Variants in ZNF385D observed in about 807,000 individuals in gnomAD.
The protein encoded by ZNF385D is zinc finger protein 659.
ZNF385D carries 15 observed loss-of-function variants against 35.8 expected under a neutral mutation model. The observed-to-expected ratio is 0.42, with a 90% CI of 0.28 to 0.64. The LOEUF (loss-of-function observed/expected upper bound fraction) is 0.64, where lower values mean the gene tolerates loss of function less well. ZNF385D is among the 30% of genes least tolerant of loss of function. ZNF385D has a pLI of 0.23. For synonymous variants in ZNF385D, 212 were observed against 186.8 expected (o/e 1.13, Z -1.10); for missense variants, 474 against 494.6 (o/e 0.96, Z 0.39).
chr3:21,568,125 A>G (rs2063212204), intron 2 of ZNF385D, among the ~76,000 whole-genome samples: 2 of 152,156 alleles, frequency 1.3e-5, no homozygotes, highest in South Asian at 4.1e-4. Flanking sequence ...ATCAAAAGTA[A>G]TTATCTTTTA....
intron 2 of ZNF385D, among the ~76,000 whole-genome samples, chr3:22,233,745 G>A (rs977833951): frequency 2.6e-5 from 4 of 152,010 alleles, no homozygotes; most frequent in Non-Finnish European, 4.4e-5. Flanking sequence ...CATCTTTTGA[G>A]TTCCAGGGTG....
intron 1 of ZNF385D, among the ~76,000 whole-genome samples, chr3:21,729,861 A>G (rs1467757374): frequency 6.6e-6 from 1 of 152,172 alleles, no homozygotes; most frequent in Admixed American, 6.5e-5. Context: ...TCACCAGATG[A>G]CTTTTTATTA....
At chr3:21,540,203 G>A (rs1365728489) in intron 3 of ZNF385D, among the ~76,000 whole-genome samples, 1 of 152,056 alleles carries the variant, frequency 6.6e-6, no homozygotes, top group Non-Finnish European at 1.5e-5. Context: ...AATTAAATAG[G>A]CAAAAGCAGA....
At chr3:21,949,115 T>C (rs1303980573) in intron 3 of ZNF385D, among the ~76,000 whole-genome samples, 1 of 152,232 alleles carries the variant, frequency 6.6e-6, no homozygotes, top group Non-Finnish European at 1.5e-5. Context: ...GTTCATTTGT[T>C]TTGTGACAAT....
At chr3:21,923,422 A>C (rs1307256433) in intron 3 of ZNF385D, among the ~76,000 whole-genome samples, 1 of 152,244 alleles carries the variant, frequency 6.6e-6, no homozygotes, top group Non-Finnish European at 1.5e-5. Flanking sequence ...AATGTAAATT[A>C]GTTCAGCCAC....
At chr3:21,901,229 G>A (rs1340782259) in intron 3 of ZNF385D, among the ~76,000 whole-genome samples, 1 of 152,124 alleles carries the variant, frequency 6.6e-6, no homozygotes, top group African/African-American at 2.4e-5. Flanking sequence ...CCCCTGCCTC[G>A]GCATCCCAAA....
intron 3 of ZNF385D, among the ~76,000 whole-genome samples, chr3:21,522,573 T>C (rs960959808): frequency 1.3e-5 from 2 of 151,912 alleles, no homozygotes. Flanking sequence ...CTCCTGACCT[T>C]GTGATCTGCC....
intron 2 of ZNF385D, among the ~76,000 whole-genome samples, chr3:22,170,100 T>A (rs536143531): frequency 6.6e-6 from 1 of 152,208 alleles, no homozygotes; most frequent in East Asian, 1.9e-4. Context: ...ATGGTCCAGA[T>A]AGGAGTTCTC....
chr3:21,864,394 T>G (rs1697221070), intron 3 of ZNF385D, among the ~76,000 whole-genome samples: 1 of 152,082 alleles, frequency 6.6e-6, no homozygotes, highest in South Asian at 2.1e-4. Flanking sequence ...CTCTATGAAT[T>G]GTGACTATTT....
At chr3:22,103,578 G>T (rs538439569) in intron 3 of ZNF385D, among the ~76,000 whole-genome samples, 2 of 152,100 alleles carry the variant, frequency 1.3e-5, no homozygotes, top group African/African-American at 4.8e-5. Flanking sequence ...TTGATGGTCT[G>T]GAGAACCAAC....
intron 3 of ZNF385D, among the ~76,000 whole-genome samples, chr3:22,111,950 A>G (rs766490401): frequency 1.3e-5 from 2 of 152,092 alleles, no homozygotes; most frequent in Non-Finnish European, 2.9e-5. Context: ...CTTCCATCAA[A>G]TGCAGCCAAG....
intron 3 of ZNF385D, among the ~76,000 whole-genome samples, chr3:22,140,154 A>G (rs1330346359): frequency 6.6e-6 from 1 of 152,232 alleles, no homozygotes; most frequent in African/African-American, 2.4e-5. Flanking sequence ...ATAAATGTTT[A>G]TAGGAGCTTT....
intron 2 of ZNF385D, among the ~76,000 whole-genome samples, chr3:22,217,189 T>C (rs573185887): frequency 6.6e-5 from 10 of 152,224 alleles, no homozygotes; most frequent in South Asian, 4.2e-4. Context: ...TTCCCACAAA[T>C]TGGAATACAA....
chr3:21,571,046 C>G, intron 2 of ZNF385D, among the ~76,000 whole-genome samples: 1 of 152,056 alleles, frequency 6.6e-6, no homozygotes, highest in Non-Finnish European at 1.5e-5. Flanking sequence ...AAAGTACATA[C>G]ATTTTAAGTG....
chr3:22,027,348 A>T (rs1288216782), intron 3 of ZNF385D, among the ~76,000 whole-genome samples: 1 of 152,198 alleles, frequency 6.6e-6, no homozygotes, highest in East Asian at 1.9e-4. Flanking sequence ...CAACAGCTCC[A>T]GGCTGCTGTG....
chr3:21,790,537 A>G lies in ZNF385D; in HGVS notation c.326-125509T>C, dbSNP rs549083806. On this transcript the variant is annotated intron_variant, in intron 3 of 5. Coordinates refer to the ZNF385D transcript ENST00000494108. ...AAAAAGATTACTGAAAAAAATAAAGAGAAGAAAATGTCATTCCTTTATCAG... is the reference window on the plus strand; with the variant it reads ...AAAAAGATTACTGAAAAAAATAAAGGGAAGAAAATGTCATTCCTTTATCAG... Among the ~76,000 whole-genome samples, 99 of 152,304 alleles carry G rather than the reference A, an allele frequency of 6.5e-4. 1 individual carries two copies. The highest frequency in any genetic ancestry group is 2.3e-3 in the African/African-American group (96 of 41,554).
chr3:22,153,998 T>C (rs1206512003), intron 3 of ZNF385D, among the ~76,000 whole-genome samples: 1 of 152,172 alleles, frequency 6.6e-6, no homozygotes, highest in Non-Finnish European at 1.5e-5. Flanking sequence ...CCTTTAGTTT[T>C]AGCATCCAGT....
chr3:22,005,069 A>C (rs1243757394), intron 3 of ZNF385D, among the ~76,000 whole-genome samples: 1 of 149,650 alleles, frequency 6.7e-6, no homozygotes, highest in Non-Finnish European at 1.5e-5. Context: ...AAAAAAAAAA[A>C]AAAAAAAAAA....
chr3:21,652,705 A>G (rs1446241207), intron 2 of ZNF385D, among the ~76,000 whole-genome samples: 1 of 143,310 alleles, frequency 7.0e-6, no homozygotes, highest in Admixed American at 7.8e-5. Flanking sequence ...ATTCCCACCT[A>G]TGAGTGAGAA....
Sources: allele counts gnomAD v4.1 joint callset (sites outside exome capture counted in the v4.1 genomes callset), GRCh38; gene constraint gnomAD v4.1.1; transcripts MANE v1.5; gene names NCBI Gene and HGNC (gene_info 2026-07-23, HGNC 2026-07-21).